The following KRT83 variants were observed in gnomAD, a reference collection of about 807,000 sequenced individuals.
The protein encoded by KRT83 is keratin, type II cuticular Hb3.
KRT83 carries 51 observed loss-of-function variants against 52.9 expected under a neutral mutation model. The observed-to-expected ratio is 0.96, with a 90% confidence interval of 0.77 to 1.22. KRT83 has a LOEUF of 1.22. Among genes scored for constraint, KRT83 ranks in the 50% most tolerant of loss-of-function variants. The probability of loss-of-function intolerance (pLI) is 0.00; values close to 1 mark genes in which losing one functional copy is unlikely to be tolerated. For synonymous variants in KRT83, 278 were observed against 274.1 expected (o/e 1.01, Z -0.14); for missense variants, 654 against 666.5 (o/e 0.98, Z 0.21).
chr12:52,314,507 G>A lies in KRT83; in HGVS notation c.*124C>T. The A allele has an allele frequency of 1.1e-6, 1 of 919,342 alleles. No individual in the cohort carries two copies. Among genetic ancestry groups the A allele is most frequent in the South Asian group, 1.4e-5 (1 of 70,548 alleles). The allele number at this position is 919,342 out of a possible 1,614,324, so 56.9% of individuals were successfully genotyped here. The stretch of plus-strand genomic sequence containing the variant: ...GGGGAGGAGCCGCTGGTGGGAATGA[G>A]CCGATGGTGTATTCTCAGAACACAA... On this transcript the variant is annotated 3_prime_UTR_variant, in exon 9 of 9. Transcript: ENST00000293670.
chr12:52,316,321 T>A, intron 6 of KRT83, 147 bp downstream of exon 6: 1 of 1,288,132 alleles, frequency 7.8e-7, no homozygotes, highest in Non-Finnish European at 1.1e-6. Context: ...GCCAAGACAA[T>A]CAGAAATATT....
Position 52,314,552 on chromosome 12 carries a change from G to A in KRT83, c.*79C>T. Reference sequence around the variant, plus strand: ...ACACAAGGGGAAAAGCCAGCGATGTGCTGCTGTTTTCAGCTGGTGGTGGGG... The same window carrying A: ...ACACAAGGGGAAAAGCCAGCGATGTACTGCTGTTTTCAGCTGGTGGTGGGG... On this transcript the variant is annotated 3_prime_UTR_variant, in exon 9 of 9. Coordinates refer to ENST00000293670, the MANE Select transcript of KRT83 (RefSeq NM_002282.3). 1.5e-6 allele frequency: 2 copies of A among 1,309,304 alleles called. No individual in the cohort carries two copies. The highest frequency in any genetic ancestry group is 3.9e-5 in the Admixed American group (2 of 50,738). 81.1% of individuals were successfully genotyped at this position (1,309,304 alleles called of 1,614,324 possible).
Position 52,314,921 on chromosome 12 carries a change from C to A in KRT83, c.1295-103G>T, listed in dbSNP as rs1283445881. The A allele has an allele frequency of 7.7e-6, 9 of 1,169,502 alleles. No homozygotes were observed. In the Admixed American group the frequency reaches 1.0e-4, roughly 13 times the overall value. The allele number at this position is 1,169,502 out of a possible 1,614,324, so 72.4% of individuals were successfully genotyped here. A position where few individuals can be genotyped will look rare whatever the true frequency, so the allele number is the denominator to read the frequency against. On this transcript the variant is annotated intron_variant, in intron 8 of 8. Transcript: ENST00000293670. The stretch of plus-strand genomic sequence containing the variant: ...TGTGTCGACCATCCAGGGAAGGATG[C>A]AAAGAGCCTCCAGTTCTATTCTGAA...
chr12:52,315,305 T>A lies in KRT83; in HGVS notation c.1294+7A>T. On this transcript the variant is annotated splice_region_variant and intron_variant, in intron 8 of 8. Coordinates refer to ENST00000293670, the MANE Select transcript of KRT83 (RefSeq NM_002282.3). Reference sequence around the variant, plus strand: ...ACATTTTCCTTTTCAGGGCTCAAGATACTTACAGACATTCACAGCTTCAAC... The same window carrying A: ...ACATTTTCCTTTTCAGGGCTCAAGAAACTTACAGACATTCACAGCTTCAAC... 1 of 1,613,644 alleles carries A rather than the reference T, an allele frequency of 6.2e-7. No homozygotes were observed. Among genetic ancestry groups the A allele is most frequent in the East Asian group, 2.2e-5 (1 of 44,874 alleles).
Position 52,319,314 on chromosome 12 carries a change from G to A in KRT83, c.435C>T (p.Phe145=). ...QNKLLETKLQ[F]YQNRECCQSN... ...TCTGGCAGCACTCGCGGTTTTGGTA[G>A]AACTGCAGCTTTGTCTCCAGCAGCT... is the stretch of plus-strand genomic sequence containing the variant. Residue 145 remains phenylalanine (F), a synonymous_variant, in exon 2 of 9, where the codon TTC becomes TTT. Coordinates refer to ENST00000293670, the MANE Select transcript of KRT83 (RefSeq NM_002282.3). 6.2e-7 allele frequency: 1 copy of A among 1,614,086 alleles called. No homozygotes were observed.
intron 1 of KRT83, among the ~76,000 whole-genome samples, chr12:52,320,194 G>T (rs952320098): frequency 6.6e-6 from 1 of 152,116 alleles, no homozygotes; most frequent in Non-Finnish European, 1.5e-5. Context: ...TTTCTGGTGG[G>T]CATCTCTCTA....
chr12:52,320,286 C>T (rs1206321043), intron 1 of KRT83, among the ~76,000 whole-genome samples: 2 of 152,206 alleles, frequency 1.3e-5, no homozygotes, highest in African/African-American at 4.8e-5. Context: ...CCTTTTCTCC[C>T]AGTCTCTCAC....
At chr12:52,318,196 G>A (rs896910726) in intron 2 of KRT83, among the ~76,000 whole-genome samples, 5 of 151,916 alleles carry the variant, frequency 3.3e-5, no homozygotes, top group Non-Finnish European at 5.9e-5. Context: ...TTGTTTTTGA[G>A]ATGGAGTCTC....
At chr12:52,316,436 C>T (rs1442771245) in intron 6 of KRT83, 32 bp downstream of exon 6, 2 of 1,613,836 alleles carry the variant, frequency 1.2e-6, no homozygotes, top group East Asian at 2.2e-5. Flanking sequence ...CCAGTCTCTT[C>T]CTACACTGAG....
rs749161579 is a variant in KRT83 at position 52,321,259 on chromosome 12, C to T, written c.77G>A (p.Arg26Gln). Residue 26 changes from arginine (R) to glutamine (Q), a missense_variant, in exon 1 of 9, where the codon CGG (arginine) becomes CAG (glutamine). Coordinates refer to ENST00000293670, the MANE Select transcript of KRT83 (RefSeq NM_002282.3). ...NFSCVSACGP[R>Q]PSRCCITAAP... ...GGCGGTGATGCAGCAGCGGCTTGGC[C>T]GGGGCCCGCAGGCAGAGACACAGCT... is the stretch of plus-strand genomic sequence containing the variant. The T allele has an allele frequency of 5.0e-6, 8 of 1,613,284 alleles. No individual in the cohort carries two copies. Among genetic ancestry groups the T allele is most frequent in the South Asian group, 1.1e-5 (1 of 91,084 alleles).
intron 4 of KRT83, among the ~76,000 whole-genome samples, 184 bp from the exon 5 acceptor site, chr12:52,317,207 C>T (rs1938701658): frequency 6.6e-6 from 1 of 152,234 alleles, no homozygotes; most frequent in South Asian, 2.1e-4. Flanking sequence ...AACCACTTCT[C>T]AACTGCTTGC....
At chr12:52,317,397 G>A (rs759684888) in intron 4 of KRT83, among the ~76,000 whole-genome samples, 24 of 152,286 alleles carry the variant, frequency 1.6e-4, no homozygotes, top group Non-Finnish European at 2.9e-4. Context: ...TGCTGTGTGG[G>A]GTCTATGCTG....
rs760012621 is a variant in KRT83, at chr12:52,317,021, C to T, written c.753G>A (p.Glu251=). 6.2e-6 allele frequency: 10 copies of T among 1,614,068 alleles called. No individual in the cohort carries two copies. Among genetic ancestry groups the T allele is most frequent in the Non-Finnish European group, 8.5e-6 (10 of 1,180,048 alleles). Residue 251 remains glutamate, a splice_region_variant and synonymous_variant, in exon 5 of 9, where the codon GAG becomes GAA. Coordinates refer to ENST00000293670, the MANE Select transcript of KRT83 (RefSeq NM_002282.3). The part of the protein sequence containing the change: ...IDFLRRLYEE[E]IRILQSHISD... ...AGATGTGGGATTGGAGAATGCGGAT[C>T]TCCTGCAGGAGGTGGGGAAAGGAAG...
In KRT83 at chr12:52,316,890, C is replaced by A. The variant is rs768058853; in HGVS notation, c.884G>T (p.Arg295Leu). 2 of 1,614,180 alleles carry A rather than the reference C, an allele frequency of 1.2e-6. No homozygotes were observed. Among genetic ancestry groups the A allele is most frequent in the Non-Finnish European group, 1.7e-6 (2 of 1,180,034 alleles). Residue 295 changes from arginine (R) to leucine (L), a missense_variant, in exon 5 of 9, where the codon CGG becomes CTG. By Grantham distance (102) the Arg-to-Leu change is moderately radical (BLOSUM62 -2). Coordinates refer to ENST00000293670, the MANE Select transcript of KRT83 (RefSeq NM_002282.3). Reference sequence around the variant, plus strand: ...GCGATACCAGGACTCGGCCTCAGCCCGGCTACGGGTGGCAATGTCATCATA... The same window carrying A: ...GCGATACCAGGACTCGGCCTCAGCCAGGCTACGGGTGGCAATGTCATCATA... The part of the protein sequence containing the change: ...AQYDDIATRS[R>L]AEAESWYRSK...
chr12:52,321,144 G>A lies in KRT83; in HGVS notation c.192C>T (p.Cys64=), dbSNP rs199997738. 8 of 1,612,274 alleles carry A rather than the reference G, an allele frequency of 5.0e-6. No individual in the cohort carries two copies. Among genetic ancestry groups the A allele is most frequent in the Admixed American group, 1.7e-5 (1 of 59,998 alleles). Residue 64 remains cysteine, a synonymous_variant, in exon 1 of 9, where the codon TGC becomes TGT. Transcript: ENST00000293670. The part of the protein sequence containing the change: ...SVCGGFRAGS[C]GRSFGYRSGG... ...CGGAGCGGTAGCCGAAGCTGCGTCC[G>A]CAGGAGCCGGCGCGGAAGCCCCCGC...
Position 52,316,900 on chromosome 12 carries a change from T to C in KRT83, c.874A>G (p.Thr292Ala). Reference protein sequence around the residue: ...EIKAQYDDIATRSRAEAESWY... With the variant: ...EIKAQYDDIAARSRAEAESWY... ...GACTCGGCCTCAGCCCGGCTACGGG[T>C]GGCAATGTCATCATACTGTGCCTTG... The change falls in exon 5 of 9, where the codon ACC becomes GCC. Residue 292 changes from threonine to alanine, a missense_variant. Thr to Ala is a moderately conservative substitution (Grantham distance 58). Transcript: ENST00000293670. 6 of 1,614,164 alleles carry C rather than the reference T, an allele frequency of 3.7e-6. No homozygotes were observed. Among genetic ancestry groups the C allele is most frequent in the Non-Finnish European group, 5.1e-6 (6 of 1,180,042 alleles).
At position 52,316,858 on chromosome 12, in the gene KRT83, C is replaced by A; in HGVS notation, c.915+1G>T. 1 of 1,614,178 alleles carries A rather than the reference C, an allele frequency of 6.2e-7. No individual in the cohort carries two copies. Among genetic ancestry groups the A allele is most frequent in the Non-Finnish European group, 8.5e-7 (1 of 1,180,030 alleles). ...GCAGGCAGGTGTCCTGTGCCGCTCA[C>A]CTTGCTGCGATACCAGGACTCGGCC... On this transcript the variant is annotated splice_donor_variant, in intron 5 of 8. Coordinates refer to ENST00000293670, the MANE Select transcript of KRT83 (RefSeq NM_002282.3). LOFTEE classifies it high-confidence loss of function.
At chr12:52,316,617 G>A in intron 5 of KRT83, 24 bp from the exon 6 acceptor site, 2 of 1,614,192 alleles carry the variant, frequency 1.2e-6, no homozygotes, top group Non-Finnish European at 1.7e-6. Context: ...AGATGTTCAT[G>A]AGGCTCAGGA....
At chr12:52,318,100 G>A in intron 2 of KRT83, 130 bp from the exon 3 acceptor site, 1 of 846,236 alleles carries the variant, frequency 1.2e-6, no homozygotes, top group Non-Finnish European at 2.0e-6. Context: ...AATGGGTGGG[G>A]CTCTGCAGGA....
Sources: gnomAD v4.1 joint callset for allele counts (sites outside exome capture counted in the v4.1 genomes callset) on GRCh38, gnomAD v4.1.1 for gene constraint, MANE v1.5 for transcripts, NCBI Gene and HGNC (gene_info 2026-07-23, HGNC 2026-07-21) for gene names.